Variants in AFF1 observed in about 807,000 individuals in gnomAD.
AFF1 encodes the protein AF4/FMR2 family member 1.
AFF1 carries 48 observed loss-of-function variants against 121.7 expected under a neutral mutation model. The ratio of observed to expected loss-of-function variants is 0.39; its 90% CI spans 0.31 to 0.50. AFF1 has a LOEUF of 0.50. Ranked by LOEUF, AFF1 falls within the 20% of genes least tolerant of loss-of-function variation. The probability of loss-of-function intolerance (pLI) is 0.76; values close to 1 mark genes in which losing one functional copy is unlikely to be tolerated. For synonymous variants in AFF1, 613 were observed against 563.0 expected, an observed-to-expected ratio of 1.09 and a Z score of -1.26; for missense variants, 1,523 against 1,511.7, an observed-to-expected ratio of 1.01 and a Z score of -0.12.
At chr4:87,007,099 CTG>C in intron 2 of AFF1, 6 of 1,252,330 alleles carry the variant, frequency 4.8e-6, no homozygotes, top group Non-Finnish European at 6.0e-6. Context: ...TTCTCAGAAA[CTG>C]CGCCGGGGGC....
intron 2 of AFF1, among the ~76,000 whole-genome samples, chr4:87,029,842 A>G (rs1171161461): frequency 6.6e-6 from 1 of 152,194 alleles, no homozygotes; most frequent in Non-Finnish European, 1.5e-5. Context: ...GCATTGTGAA[A>G]AGGTCAAGCT....
chr4:87,024,713 C>T (rs1028806622), intron 2 of AFF1, among the ~76,000 whole-genome samples: 2 of 152,090 alleles, frequency 1.3e-5, no homozygotes, highest in African/African-American at 4.8e-5. Flanking sequence ...GCCTCAGCCT[C>T]CTGAGGCTGG....
At chr4:86,981,512 GCACCCAC>G (rs545595664) in intron 2 of AFF1, among the ~76,000 whole-genome samples, 121 of 152,136 alleles carry the variant, frequency 8.0e-4, no homozygotes, top group African/African-American at 2.8e-3. Context: ...GCGATTCCAG[GCACCCAC>G]CACCATGCCC....
At chr4:87,004,248 G>A (rs973688710) in intron 2 of AFF1, among the ~76,000 whole-genome samples, 2 of 152,308 alleles carry the variant, frequency 1.3e-5, no homozygotes, top group Admixed American at 6.5e-5. Context: ...CTCGATGAGT[G>A]TGGAGAGGTG....
chr4:87,100,490 A>T (rs1725321709), intron 8 of AFF1, among the ~76,000 whole-genome samples: 1 of 152,120 alleles, frequency 6.6e-6, no homozygotes, highest in African/African-American at 2.4e-5. Context: ...CTTTATCAGT[A>T]GTTTTCCCTA....
chr4:86,955,518 T>C (rs1721674878), intron 2 of AFF1, among the ~76,000 whole-genome samples: 1 of 152,236 alleles, frequency 6.6e-6, no homozygotes, highest in African/African-American at 2.4e-5. Flanking sequence ...CTCCTTGGAA[T>C]CTTGAAACTA....
intron 2 of AFF1, among the ~76,000 whole-genome samples, chr4:86,969,386 G>A (rs1199392073): frequency 6.6e-6 from 1 of 152,086 alleles, no homozygotes; most frequent in Non-Finnish European, 1.5e-5. Context: ...GGCTGAGGCA[G>A]GAGAATTGCT....
At chr4:87,079,005 C>T (rs572302064) in intron 4 of AFF1, among the ~76,000 whole-genome samples, 1 of 152,214 alleles carries the variant, frequency 6.6e-6, no homozygotes, top group African/African-American at 2.4e-5. Context: ...TTTGGTAATA[C>T]TATACCTTCT....
At chr4:87,008,709 A>T (rs997610827) in intron 2 of AFF1, among the ~76,000 whole-genome samples, 1 of 151,968 alleles carries the variant, frequency 6.6e-6, no homozygotes, top group African/African-American at 2.4e-5. Flanking sequence ...GTCTTTTCAT[A>T]ATCTTAATAC....
chr4:87,108,284 A>C lies in AFF1; in HGVS notation c.1502A>C (p.Glu501Ala), dbSNP rs775698363. ...GAGAGCAGTTCAAGTGACAGCGAAG[A>C]AAATGAGCCCCTAGAAACCCCAGCT... The part of the protein sequence containing the change: ...ESESSSSDSE[E>A]NEPLETPAPE... The change falls in exon 11 of 21, where the codon GAA becomes GCA. Residue 501 changes from glutamate (E) to alanine (A), a missense_variant. Around this residue, in one of 5 missense-constraint regions of AFF1, gnomAD observed 905 missense variants for 842.5 expected, o/e 1.07. Coordinates refer to ENST00000395146, the MANE Select transcript of AFF1 (RefSeq NM_001166693.3). 3 of 1,613,944 alleles carry C rather than the reference A, an allele frequency of 1.9e-6. No individual in the cohort carries two copies. The highest frequency in any genetic ancestry group is 2.5e-6 in the Non-Finnish European group (3 of 1,179,990).
At chr4:87,051,422 T>C (rs1436191605) in intron 4 of AFF1, among the ~76,000 whole-genome samples, 4 of 152,054 alleles carry the variant, frequency 2.6e-5, no homozygotes, top group Admixed American at 1.3e-4. Context: ...TTTCTTTTTT[T>C]TTTTTTTAAC....
At chr4:87,120,673 C>T (rs868402679) in intron 12 of AFF1, among the ~76,000 whole-genome samples, 2 of 152,228 alleles carry the variant, frequency 1.3e-5, no homozygotes, top group Admixed American at 6.5e-5. Flanking sequence ...GCGTCAGCCC[C>T]GGCTTGGTTC....
At chr4:87,125,936 T>G (rs1027548133) in intron 13 of AFF1, among the ~76,000 whole-genome samples, 163 bp from the exon 14 acceptor site, 1 of 152,132 alleles carries the variant, frequency 6.6e-6, no homozygotes, top group Non-Finnish European at 1.5e-5. Flanking sequence ...AGGGCTAGAT[T>G]TTTGAAATGC....
intron 12 of AFF1, among the ~76,000 whole-genome samples, chr4:87,124,412 A>T (rs1358149957): frequency 1.3e-5 from 2 of 152,182 alleles, no homozygotes; most frequent in Non-Finnish European, 2.9e-5. Context: ...GAATCAGTGG[A>T]GGGGAAAAAA....
At chr4:87,038,273 A>G (rs1415433265) in intron 2 of AFF1, among the ~76,000 whole-genome samples, 1 of 152,208 alleles carries the variant, frequency 6.6e-6, no homozygotes. Context: ...TTTTATTATG[A>G]GAAAGTCTCT....
intron 2 of AFF1, among the ~76,000 whole-genome samples, chr4:86,986,040 C>T (rs10628761): frequency 0.6 from 81,544 of 135,280 alleles, 25,401 homozygotes; most frequent in Non-Finnish European, 0.72. Flanking sequence ...TAATTCAATT[C>T]AATTTAATTT....
rs941015091 is a variant in AFF1 at position 87,046,676 on chromosome 4, A to G, written c.160-19A>G. The G allele has an allele frequency of 1.9e-6, 3 of 1,582,020 alleles. No homozygotes were observed. Among genetic ancestry groups the G allele is most frequent in the Admixed American group, 3.7e-5 (2 of 54,064 alleles). On this transcript the variant is annotated intron_variant, in intron 3 of 20. Coordinates refer to ENST00000395146, the MANE Select transcript of AFF1 (RefSeq NM_001166693.3). ...TTTCCTTAGTTTTTTTTCATTCTCAAATTCTCCTTTTTTTTCAGACAGCAA... is the reference window on the plus strand; with the variant it reads ...TTTCCTTAGTTTTTTTTCATTCTCAGATTCTCCTTTTTTTTCAGACAGCAA...
chr4:87,072,939 T>C (rs1722243711), intron 4 of AFF1, among the ~76,000 whole-genome samples: 1 of 152,152 alleles, frequency 6.6e-6, no homozygotes, highest in Admixed American at 6.5e-5. Flanking sequence ...AGTAAATCAG[T>C]GTATCAGATG....
chr4:87,072,231 C>T (rs541365755), intron 4 of AFF1, among the ~76,000 whole-genome samples: 24 of 151,778 alleles, frequency 1.6e-4, no homozygotes, highest in South Asian at 1.0e-3. Context: ...GGCCTGGTGG[C>T]GGGCGCCTGT....
Sources: allele counts gnomAD v4.1 joint callset (sites outside exome capture counted in the v4.1 genomes callset), GRCh38; gene constraint gnomAD v4.1.1; regional missense constraint gnomAD v4.1.1; transcripts MANE v1.5; gene names NCBI Gene and HGNC (gene_info 2026-07-23, HGNC 2026-07-21).